The following LUZP2 variants were observed in gnomAD, a reference collection of about 807,000 sequenced individuals.
LUZP2 encodes leucine zipper protein 2.
Under a neutral mutation model 51.6 loss-of-function variants are expected in LUZP2, and 52 were observed. The ratio of observed to expected loss-of-function variants is 1.01; its 90% confidence interval spans 0.81 to 1.27. The LOEUF (loss-of-function observed/expected upper bound fraction) is 1.27. LUZP2 is among the 50% of genes most tolerant of loss of function. The probability of loss-of-function intolerance (pLI) is 0.00; values close to 1 mark genes in which losing one functional copy is unlikely to be tolerated. For synonymous variants in LUZP2, 154 were observed against 137.3 expected (o/e 1.12, Z -0.85); for missense variants, 436 against 395.4 (o/e 1.10, Z -0.87).
In LUZP2 at chr11:25,069,972, G is replaced by A. The variant is rs1859107136; in HGVS notation, c.859-7357G>A. Among the ~76,000 whole-genome samples, 3 of 151,650 alleles carry A rather than the reference G, an allele frequency of 2.0e-5. 1 individual carries two copies. The South Asian group carries it at 6.2e-4, about 31-fold the overall frequency. On this transcript the variant is annotated intron_variant, in intron 10 of 11. Coordinates refer to ENST00000336930, the MANE Select transcript of LUZP2 (RefSeq NM_001009909.4). ...TTCTTATTTATTTAAATAAATACATGAGCATTAACAGTTCTATTGTTTTCT... is the reference window on the plus strand; with the variant it reads ...TTCTTATTTATTTAAATAAATACATAAGCATTAACAGTTCTATTGTTTTCT...
chr11:24,699,260 TCTTG>T (rs746472000), intron 1 of LUZP2, among the ~76,000 whole-genome samples: 5 of 152,160 alleles, frequency 3.3e-5, no homozygotes, highest in Non-Finnish European at 7.3e-5. Flanking sequence ...TTATGTTTGT[TCTTG>T]CTTCAATTTT....
intron 5 of LUZP2, among the ~76,000 whole-genome samples, chr11:24,802,495 A>G (rs1232076158): frequency 6.6e-6 from 1 of 151,934 alleles, no homozygotes; most frequent in African/African-American, 2.4e-5. Context: ...GCTGAAGTAC[A>G]CATAAGATAA....
At chr11:24,984,937 C>T (rs1275370634) in intron 9 of LUZP2, among the ~76,000 whole-genome samples, 1 of 151,504 alleles carries the variant, frequency 6.6e-6, no homozygotes, top group African/African-American at 2.4e-5. Context: ...CTTCCTTCTT[C>T]AGAGAGATGT....
At chr11:25,023,197 T>C (rs1857390017) in intron 9 of LUZP2, among the ~76,000 whole-genome samples, 1 of 152,180 alleles carries the variant, frequency 6.6e-6, no homozygotes, top group African/African-American at 2.4e-5. Context: ...CTTTTTCTAT[T>C]GATTGGAATA....
At chr11:24,903,909 A>G (rs1272106107) in intron 5 of LUZP2, among the ~76,000 whole-genome samples, 1 of 152,180 alleles carries the variant, frequency 6.6e-6, no homozygotes, top group East Asian at 1.9e-4. Flanking sequence ...GAAAGAGTAT[A>G]CCTCTCAGGC....
intron 9 of LUZP2, among the ~76,000 whole-genome samples, chr11:25,027,620 C>T (rs1021796197): frequency 2.6e-5 from 4 of 152,064 alleles, no homozygotes; most frequent in South Asian, 2.1e-4. Flanking sequence ...GCCTGTAATC[C>T]CAGCACTTTG....
intron 7 of LUZP2, among the ~76,000 whole-genome samples, chr11:24,935,423 CT>C (rs1440176501): frequency 1.3e-5 from 2 of 152,112 alleles, no homozygotes; most frequent in Admixed American, 6.5e-5. Context: ...TTAAAAATTA[CT>C]TTTTCAGTTT....
intron 1 of LUZP2, chr11:24,701,174 T>A (rs1488547169): frequency 2.6e-5 from 4 of 153,210 alleles, no homozygotes; most frequent in Non-Finnish European, 5.9e-5. Context: ...AGGAGCTTGG[T>A]TGGCAGAAGG....
At chr11:24,931,330 G>C (rs1225180270) in intron 7 of LUZP2, among the ~76,000 whole-genome samples, 1 of 151,982 alleles carries the variant, frequency 6.6e-6, no homozygotes, top group Non-Finnish European at 1.5e-5. Flanking sequence ...TTTACTTTGA[G>C]CTCCGAAGTT....
intron 1 of LUZP2, among the ~76,000 whole-genome samples, chr11:24,602,366 G>A (rs530148191): frequency 3.5e-5 from 2 of 57,380 alleles, no homozygotes; most frequent in African/African-American, 1.3e-4. Flanking sequence ...CTTTTAAAGT[G>A]TGTGTGTGTA....
At position 24,926,388 on chromosome 11, in the gene LUZP2, TAC is replaced by T. The variant is rs36142264; in HGVS notation, c.522+11851_522+11852del. Among the ~76,000 whole-genome samples, 228 of 50,260 alleles carry T rather than the reference TAC, an allele frequency of 4.5e-3. 3 individuals are homozygous for T. Among genetic ancestry groups the T allele is most frequent in the Non-Finnish European group, 6.0e-3 (150 of 25,004 alleles). 33.0% of individuals were successfully genotyped at this position (50,260 alleles called of 152,430 possible). On this transcript the variant is annotated intron_variant, in intron 7 of 11. Transcript: ENST00000336930. Reference sequence around the variant, plus strand: ...ATATATATATACGTGTGTATATATATACGTGTGTATATATATATACGTGTGTA... The same window carrying T: ...ATATATATATACGTGTGTATATATATGTGTGTATATATATATACGTGTGTA...
chr11:24,965,448 A>G (rs1359349873), intron 7 of LUZP2, among the ~76,000 whole-genome samples: 1 of 151,686 alleles, frequency 6.6e-6, no homozygotes, highest in Non-Finnish European at 1.5e-5. Context: ...ACAAAATTTG[A>G]TAGCCATTGA....
At chr11:24,559,584 G>C (rs1851970722) in intron 1 of LUZP2, among the ~76,000 whole-genome samples, 1 of 152,172 alleles carries the variant, frequency 6.6e-6, no homozygotes. Flanking sequence ...ACCTGCAAGT[G>C]ATTAAATTTT....
intron 1 of LUZP2, among the ~76,000 whole-genome samples, chr11:24,661,559 T>C (rs1007901137): frequency 1.3e-5 from 2 of 152,186 alleles, no homozygotes; most frequent in Non-Finnish European, 1.5e-5. Context: ...TGTCTACTTG[T>C]CAGCAGCACA....
At chr11:24,964,129 T>G (rs1206767837) in intron 7 of LUZP2, among the ~76,000 whole-genome samples, 1 of 152,208 alleles carries the variant, frequency 6.6e-6, no homozygotes, top group African/African-American at 2.4e-5. Flanking sequence ...CCACCAACAG[T>G]GTGCCAGGAT....
Position 24,801,633 on chromosome 11 carries a change from C to T in LUZP2, c.396+38325C>T, listed in dbSNP as rs374610295. Among the ~76,000 whole-genome samples, 63 of 151,374 alleles carry T rather than the reference C, an allele frequency of 4.2e-4. No individual in the cohort carries two copies. The South Asian group carries it at 8.4e-3, about 20-fold the overall frequency. On this transcript the variant is annotated intron_variant, in intron 5 of 11. Transcript: ENST00000336930. ...CACTAAGGAGATTCGGAAAATGCTA[C>T]GTTGAATGTTTATTAAAAGAAATTT...
At chr11:24,667,670 C>T (rs1856262450) in intron 1 of LUZP2, among the ~76,000 whole-genome samples, 1 of 152,028 alleles carries the variant, frequency 6.6e-6, no homozygotes, top group South Asian at 2.1e-4. Context: ...ATTTAACTCC[C>T]AAAAACCCAA....
intron 10 of LUZP2, among the ~76,000 whole-genome samples, chr11:25,066,046 A>G (rs1229015849): frequency 2.6e-5 from 4 of 151,984 alleles, no homozygotes; most frequent in Admixed American, 1.3e-4. Flanking sequence ...GCTTTTTTAT[A>G]CTAACCATAA....
chr11:24,869,197 GA>G (rs1851982813), intron 5 of LUZP2, among the ~76,000 whole-genome samples: 1 of 152,134 alleles, frequency 6.6e-6, no homozygotes, highest in Admixed American at 6.5e-5. Flanking sequence ...ATCACAGAAA[GA>G]AAAGTGGTAT....
Sources: gnomAD v4.1 joint callset for allele counts (sites outside exome capture counted in the v4.1 genomes callset) on GRCh38, gnomAD v4.1.1 for gene constraint, MANE v1.5 for transcripts, NCBI Gene and HGNC (gene_info 2026-07-23, HGNC 2026-07-21) for gene names.